The following MRAS variants were observed in gnomAD, a reference collection of about 807,000 sequenced individuals.
MRAS encodes the protein ras-related protein M-Ras.
A neutral mutation model predicts 20.9 loss-of-function variants in MRAS; 4 were observed. That is an observed-to-expected ratio of 0.19 (90% confidence interval 0.09 to 0.44). The LOEUF is 0.44. Ranked by LOEUF, MRAS falls within the 20% of genes least tolerant of loss-of-function variation. The pLI, the probability that MRAS is intolerant of heterozygous loss-of-function variation, is 0.99. For missense variants in MRAS, 154 were observed against 277.5 expected, an observed-to-expected ratio of 0.56 and a Z score of 3.16; for synonymous variants, 98 against 102.9, an observed-to-expected ratio of 0.95 and a Z score of 0.29.
At chr3:138,397,516 C>T in intron 3 of MRAS, 39 bp downstream of exon 3, 1 of 1,609,608 alleles carries the variant, frequency 6.2e-7, no homozygotes, top group Non-Finnish European at 8.5e-7. Flanking sequence ...GGGAAGAGGC[C>T]TGCGCCTGCC....
At chr3:138,377,433 C>G (rs1044128821) in intron 2 of MRAS, among the ~76,000 whole-genome samples, 1 of 152,184 alleles carries the variant, frequency 6.6e-6, no homozygotes, top group Non-Finnish European at 1.5e-5. Flanking sequence ...AGTGAAACCC[C>G]GCTTCTACTA....
Position 138,397,175 on chromosome 3 carries a change from C to T in MRAS, c.194-149C>T, listed in dbSNP as rs150237318. 985 of 944,918 alleles carry T rather than the reference C, an allele frequency of 1.0e-3. 21 individuals carry two copies. In the East Asian group the frequency reaches 0.026, roughly 25 times the overall value. 58.5% of individuals were successfully genotyped at this position (944,918 alleles called of 1,614,324 possible). ...CTTCAGCTGGGACCCTTCGAGCAGC[C>T]CTAGAGAGAGAGCTTATGCAGCCTC... On this transcript the variant is annotated intron_variant, in intron 2 of 5. Coordinates refer to ENST00000423968, the MANE Select transcript of MRAS (RefSeq NM_001085049.3).
chr3:138,349,249 T>C (rs2054178386), intron 1 of MRAS: 1 of 152,300 alleles, frequency 6.6e-6, no homozygotes, highest in Non-Finnish European at 1.5e-5. Context: ...CCCCGGAGGT[T>C]TGGGGAGCTG....
intron 2 of MRAS, among the ~76,000 whole-genome samples, chr3:138,395,903 T>C (rs1192241709): frequency 6.6e-6 from 1 of 152,238 alleles, no homozygotes; most frequent in African/African-American, 2.4e-5. Flanking sequence ...TGTTCGGGGC[T>C]ACTTTTTGGC....
At chr3:138,363,829 C>G (rs1048612322) in intron 1 of MRAS, among the ~76,000 whole-genome samples, 6 of 116,410 alleles carry the variant, frequency 5.2e-5, no homozygotes, top group Non-Finnish European at 1.2e-4. Flanking sequence ...ACCCCCCCCC[C>G]CCCCCAAACC....
intron 2 of MRAS, 45 bp from the exon 3 acceptor site, chr3:138,397,279 C>A (rs2055256781): frequency 6.2e-7 from 1 of 1,602,174 alleles, no homozygotes; most frequent in Admixed American, 1.7e-5. Context: ...GTGGGGGCTA[C>A]AGGGTAGGTG....
chr3:138,349,264 T>A (rs1022090795), intron 1 of MRAS: 2 of 152,354 alleles, frequency 1.3e-5, no homozygotes, highest in Non-Finnish European at 2.9e-5. Flanking sequence ...GAGCTGGAGC[T>A]GTGGTCACAA....
chr3:138,363,531 A>C (rs1012675058), intron 1 of MRAS, among the ~76,000 whole-genome samples: 4 of 152,058 alleles, frequency 2.6e-5, no homozygotes, highest in Non-Finnish European at 5.9e-5. Flanking sequence ...CCTCCCCCAC[A>C]AAATACACAC....
At chr3:138,379,750 C>G (rs562643187) in intron 2 of MRAS, among the ~76,000 whole-genome samples, 7 of 152,158 alleles carry the variant, frequency 4.6e-5, no homozygotes, top group Non-Finnish European at 8.8e-5. Flanking sequence ...AGGTTGCTTC[C>G]TTACTCTTGG....
chr3:138,355,255 G>C (rs908628808), intron 1 of MRAS, among the ~76,000 whole-genome samples: 1 of 152,124 alleles, frequency 6.6e-6, no homozygotes, highest in Non-Finnish European at 1.5e-5. Context: ...CAGGAGTAAG[G>C]CGGCAGAGCC....
chr3:138,398,940 G>A (rs528238278), intron 4 of MRAS, among the ~76,000 whole-genome samples: 3 of 152,220 alleles, frequency 2.0e-5, no homozygotes, highest in Non-Finnish European at 4.4e-5. Context: ...GTAGGTCCCA[G>A]CTTGAGCTGC....
At chr3:138,385,391 C>A (rs961295537) in intron 2 of MRAS, among the ~76,000 whole-genome samples, 1 of 151,144 alleles carries the variant, frequency 6.6e-6, no homozygotes, top group African/African-American at 2.4e-5. Context: ...AAGTGATCCT[C>A]CCAGCTCAGC....
chr3:138,395,959 CT>C (rs2055227377), intron 2 of MRAS, among the ~76,000 whole-genome samples: 1 of 152,230 alleles, frequency 6.6e-6, no homozygotes. Flanking sequence ...GCCGTTACCC[CT>C]GGGAGCTAAC....
chr3:138,366,858 G>A (rs546565893), intron 1 of MRAS, among the ~76,000 whole-genome samples: 1 of 152,310 alleles, frequency 6.6e-6, no homozygotes, highest in East Asian at 1.9e-4. Context: ...GGGTGGAGTG[G>A]GGTGCATGGA....
chr3:138,378,271 C>T (rs1679007695), intron 2 of MRAS, among the ~76,000 whole-genome samples: 1 of 152,232 alleles, frequency 6.6e-6, no homozygotes, highest in Non-Finnish European at 1.5e-5. Flanking sequence ...TCACAGGCTG[C>T]CTGCTTTCTT....
intron 4 of MRAS, among the ~76,000 whole-genome samples, chr3:138,399,707 T>C: frequency 6.6e-6 from 1 of 152,248 alleles, no homozygotes; most frequent in East Asian, 1.9e-4. Context: ...ATCTGTCTCA[T>C]CAAGGGAGGC....
chr3:138,387,325 G>A (rs1389166056), intron 2 of MRAS, among the ~76,000 whole-genome samples: 2 of 152,232 alleles, frequency 1.3e-5, no homozygotes, highest in African/African-American at 4.8e-5. Context: ...TGGGGTGAAT[G>A]CAGGAAGCAG....
chr3:138,370,311 AAAAAC>A (rs2054648504), intron 1 of MRAS, among the ~76,000 whole-genome samples: 1 of 152,182 alleles, frequency 6.6e-6, no homozygotes, highest in Non-Finnish European at 1.5e-5. Context: ...AGTAGCACCC[AAAAAC>A]AAAACAAAAA....
In MRAS at chr3:138,400,814, C is replaced by T. The variant is rs552912667; in HGVS notation, c.527+201C>T. Among the ~76,000 whole-genome samples the T allele has an allele frequency of 3.9e-5, 6 of 152,288 alleles. 1 individual carries two copies. Among genetic ancestry groups the T allele is most frequent in the South Asian group, 2.1e-4 (1 of 4,816 alleles). On this transcript the variant is annotated intron_variant, in intron 5 of 5. Transcript: ENST00000423968. ...CCTCTGCCCTCCCCGCAGCTGCTAA[C>T]GGGTTTGTGGGTGATGTCTGCTGCA...
Sources: gnomAD v4.1 joint callset for allele counts (sites outside exome capture counted in the v4.1 genomes callset) on GRCh38, gnomAD v4.1.1 for gene constraint, MANE v1.5 for transcripts, NCBI Gene and HGNC (gene_info 2026-07-23, HGNC 2026-07-21) for gene names.